The following AFAP1 variants were observed in gnomAD, a reference collection of about 807,000 sequenced individuals.
AFAP1 encodes actin filament associated protein 1.
In AFAP1, 75 loss-of-function variants were observed where a neutral mutation model predicts 93.9. The ratio of observed to expected loss-of-function variants is 0.80; its 90% CI spans 0.66 to 0.97. AFAP1 has a LOEUF of 0.97. AFAP1 is among the 50% of genes least tolerant of loss of function. The pLI, the probability that AFAP1 is intolerant of heterozygous loss-of-function variation, is 0.00. For synonymous variants in AFAP1, 517 were observed against 430.7 expected, an observed-to-expected ratio of 1.20 and a Z score of -2.48; for missense variants, 1,201 against 1,050.8, an observed-to-expected ratio of 1.14 and a Z score of -1.98.
chr4:7,763,416 C>T lies in AFAP1; in HGVS notation c.*349G>A. ...GTTTTCATCTGGGGGCTCATGGAAC[C>T]ATCCATCCTCAGTCCAGGGCTGGGT... On this transcript the variant is annotated 3_prime_UTR_variant, in exon 18 of 18. Transcript: ENST00000420658. 1 of 238,956 alleles carries T rather than the reference C, an allele frequency of 4.2e-6. No individual in the cohort carries two copies. The allele number at this position is 238,956 out of a possible 1,614,324, so 14.8% of individuals were successfully genotyped here. A position where few individuals can be genotyped will look rare whatever the true frequency, so the allele number is the denominator to read the frequency against.
intron 6 of AFAP1, among the ~76,000 whole-genome samples, chr4:7,822,343 G>A (rs1721038868): frequency 6.6e-6 from 1 of 152,134 alleles, no homozygotes; most frequent in Non-Finnish European, 1.5e-5. Context: ...TAAAACAAAT[G>A]TGAAGTATCC....
Position 7,769,013 on chromosome 4 carries a change from A to T in AFAP1, c.2254-5T>A. 6.2e-7 allele frequency: 1 copy of T among 1,600,258 alleles called. No homozygotes were observed. Among genetic ancestry groups the T allele is most frequent in the East Asian group, 2.3e-5 (1 of 44,388 alleles). On this transcript the variant is annotated splice_region_variant and splice_polypyrimidine_tract_variant and intron_variant, in intron 16 of 17. Coordinates refer to ENST00000420658, the MANE Select transcript of AFAP1 (RefSeq NM_001134647.2). ...CCGGTGCCGGAACACTGGAGACTTAACGGAGAGAGAGAACCCCATGTGATG... is the reference window on the plus strand; with the variant it reads ...CCGGTGCCGGAACACTGGAGACTTATCGGAGAGAGAGAACCCCATGTGATG...
chr4:7,843,295 C>T lies in AFAP1; in HGVS notation c.390G>A (p.Glu130=). The T allele has an allele frequency of 6.2e-7, 1 of 1,614,098 alleles. No individual in the cohort carries two copies. Among genetic ancestry groups the T allele is most frequent in the Non-Finnish European group, 8.5e-7 (1 of 1,180,010 alleles). ...SSYESYDEEE[E]DGKGKKTRHQ... is the part of the protein sequence containing the mutation. ...GCCGGGTTTTCTTCCCCTTCCCATC[C>T]TCCTCCTCTTCATCATACGACTCAT... Residue 130 remains glutamate (E), a synonymous_variant, in exon 5 of 18, where the codon GAG becomes GAA. Transcript: ENST00000420658.
intron 1 of AFAP1, among the ~76,000 whole-genome samples, chr4:7,907,950 G>A (rs1041400403): frequency 1.3e-5 from 2 of 151,980 alleles, no homozygotes; most frequent in African/African-American, 2.4e-5. Flanking sequence ...ATACATACAC[G>A]CCTATAATCC....
At chr4:7,933,048 G>GA (rs1019990905) in intron 1 of AFAP1, among the ~76,000 whole-genome samples, 6 of 148,932 alleles carry the variant, frequency 4.0e-5, no homozygotes, top group African/African-American at 1.0e-4. Flanking sequence ...AAAGGGGGGG[G>GA]ATCTTCACGT....
chr4:7,822,847 C>G (rs943802425), intron 6 of AFAP1, among the ~76,000 whole-genome samples: 3 of 151,416 alleles, frequency 2.0e-5, no homozygotes, highest in African/African-American at 7.3e-5. Context: ...CCCGCATCGG[C>G]CTCCCAAAGT....
At chr4:7,893,892 A>G (rs906090933) in intron 1 of AFAP1, among the ~76,000 whole-genome samples, 4 of 152,106 alleles carry the variant, frequency 2.6e-5, no homozygotes, top group African/African-American at 9.7e-5. Flanking sequence ...AACCAGCAAT[A>G]ATGCTCCTTA....
chr4:7,816,212 A>T (rs957821675), intron 7 of AFAP1, 113 bp from the exon 8 acceptor site: 1 of 861,582 alleles, frequency 1.2e-6, no homozygotes, highest in East Asian at 2.6e-5. Flanking sequence ...GGCCAAATTC[A>T]TAGCAATCCA....
intron 1 of AFAP1, among the ~76,000 whole-genome samples, chr4:7,906,444 C>T (rs1336185184): frequency 1.3e-5 from 2 of 152,170 alleles, no homozygotes; most frequent in Non-Finnish European, 2.9e-5. Flanking sequence ...AGAGTTAAGA[C>T]TACAGCATTT....
At chr4:7,855,969 C>T (rs1178500313) in intron 3 of AFAP1, among the ~76,000 whole-genome samples, 1 of 152,160 alleles carries the variant, frequency 6.6e-6, no homozygotes, top group Non-Finnish European at 1.5e-5. Context: ...CCAACCCTCG[C>T]AGGCCTCAGA....
At chr4:7,814,220 T>C (rs1720279161) in intron 8 of AFAP1, among the ~76,000 whole-genome samples, 1 of 152,178 alleles carries the variant, frequency 6.6e-6, no homozygotes, top group Admixed American at 6.5e-5. Flanking sequence ...TCTGGAGACA[T>C]TTCACCAAAG....
intron 11 of AFAP1, among the ~76,000 whole-genome samples, chr4:7,790,790 G>A (rs1025419162): frequency 8.5e-5 from 13 of 152,188 alleles, no homozygotes; most frequent in Admixed American, 7.2e-4. Context: ...AGAACGGTAA[G>A]TACTAGACTA....
intron 16 of AFAP1, among the ~76,000 whole-genome samples, chr4:7,769,698 A>T (rs1489641599): frequency 6.6e-6 from 1 of 152,332 alleles, no homozygotes; most frequent in African/African-American, 2.4e-5. Flanking sequence ...GAAGTCTCCA[A>T]GGAAGAGACG....
intron 1 of AFAP1, among the ~76,000 whole-genome samples, chr4:7,884,518 T>C (rs1393172534): frequency 6.6e-6 from 1 of 152,104 alleles, no homozygotes; most frequent in Admixed American, 6.6e-5. Context: ...ATATTTAAAT[T>C]CCCAGTCGGA....
rs956993522 is a variant in AFAP1, at chr4:7,760,076, C to T, written c.*3689G>A. The T allele has an allele frequency of 7.2e-5, 11 of 152,348 alleles. No homozygotes were observed. The highest frequency in any genetic ancestry group is 2.4e-4 in the African/African-American group (10 of 41,582). The allele number at this position is 152,348 out of a possible 1,614,324, so 9.4% of individuals were successfully genotyped here. A position where few individuals can be genotyped will look rare whatever the true frequency, so the allele number is the denominator to read the frequency against. On this transcript the variant is annotated 3_prime_UTR_variant, in exon 18 of 18. Transcript: ENST00000420658. ...GGGGAGCTTTGCTCACAACCCTACA[C>T]CTAACCCCAGCTTCGACGCTGCCCT... is the stretch of plus-strand genomic sequence containing the variant.
chr4:7,939,465 G>A lies in AFAP1; in HGVS notation c.-3+191C>T, dbSNP rs1219228854. ...CAGTGGGGACCGGCCCCCACCCGCA[G>A]GACGACCGGGACCCCCGCGCGGGCC... On this transcript the variant is annotated intron_variant, in intron 1 of 17. Coordinates refer to ENST00000420658, the MANE Select transcript of AFAP1 (RefSeq NM_001134647.2). The surrounding 1 kb of genome is among the most constrained non-coding windows in gnomAD (Gnocchi z 5.6). 1 of 296,384 alleles carries A rather than the reference G, an allele frequency of 3.4e-6. No homozygotes were observed. Among genetic ancestry groups the A allele is most frequent in the Non-Finnish European group, 6.5e-6 (1 of 154,898 alleles). 18.4% of individuals were successfully genotyped at this position (296,384 alleles called of 1,614,324 possible).
At chr4:7,867,107 A>AGAGGGGAGGGGAGGG (rs1560209619) in intron 3 of AFAP1, among the ~76,000 whole-genome samples, 1 of 39,788 alleles carries the variant, frequency 2.5e-5, no homozygotes, top group Admixed American at 3.8e-4. Context: ...AGAGGGGAGT[A>AGAGGGGAGGGGAGGG]GAGGGGAGGG....
At chr4:7,778,996 G>A in intron 13 of AFAP1, 120 bp from the exon 14 acceptor site, 1 of 758,650 alleles carries the variant, frequency 1.3e-6, no homozygotes, top group Non-Finnish European at 2.1e-6. Flanking sequence ...TGGCATAGAT[G>A]GAGGAAAAAT....
chr4:7,828,678 C>T (rs1721641419), intron 6 of AFAP1, among the ~76,000 whole-genome samples: 1 of 152,228 alleles, frequency 6.6e-6, no homozygotes, highest in Non-Finnish European at 1.5e-5. Flanking sequence ...TGTGAACACT[C>T]TGTCTTAGCA....
Sources: gnomAD v4.1 joint callset for allele counts (sites outside exome capture counted in the v4.1 genomes callset) on GRCh38, gnomAD v4.1.1 for gene constraint, Gnocchi (gnomAD v3.1) non-coding constraint, MANE v1.5 for transcripts, NCBI Gene and HGNC (gene_info 2026-07-23, HGNC 2026-07-21) for gene names.